Variants in NNMT observed in about 807,000 individuals in gnomAD.
NNMT encodes the protein nicotinamide N-methyltransferase.
Under a neutral mutation model 11.7 loss-of-function variants are expected in NNMT, and 10 were observed. That is an observed-to-expected ratio of 0.85 (90% CI 0.53 to 1.45). NNMT has a LOEUF of 1.45. Among genes scored for constraint, NNMT ranks in the 40% most tolerant of loss-of-function variants. The pLI, the probability that NNMT is intolerant of heterozygous loss-of-function variation, is 0.00. For synonymous variants in NNMT, 143 were observed against 133.8 expected, an observed-to-expected ratio of 1.07 and a Z score of -0.48; for missense variants, 381 against 319.4, an observed-to-expected ratio of 1.19 and a Z score of -1.47.
chr11:114,308,329 G>C (rs189790739), intron 2 of NNMT, among the ~76,000 whole-genome samples: 2 of 152,238 alleles, frequency 1.3e-5, no homozygotes, highest in Admixed American at 1.3e-4. Context: ...AACTTCTGAG[G>C]ATGGGGCTTT....
chr11:114,274,588 T>C (rs1219096601), intron 2 of NNMT, among the ~76,000 whole-genome samples: 1 of 152,088 alleles, frequency 6.6e-6, no homozygotes, highest in African/African-American at 2.4e-5. Context: ...CATGTAGAAA[T>C]GGCAAGAAAG....
At chr11:114,307,079 C>T (rs892952560) in intron 2 of NNMT, among the ~76,000 whole-genome samples, 18 of 152,254 alleles carry the variant, frequency 1.2e-4, no homozygotes, top group South Asian at 4.1e-4. Flanking sequence ...GAAACATTCC[C>T]GCCTTTTACA....
chr11:114,305,877 C>G (rs1945487443), intron 2 of NNMT, among the ~76,000 whole-genome samples: 1 of 152,118 alleles, frequency 6.6e-6, no homozygotes, highest in South Asian at 2.1e-4. Context: ...AATGGGATGG[C>G]TGGGTCAAAT....
chr11:114,310,821 C>CT (rs1312808309), intron 2 of NNMT, among the ~76,000 whole-genome samples: 1 of 152,246 alleles, frequency 6.6e-6, no homozygotes, highest in Non-Finnish European at 1.5e-5. Flanking sequence ...CCTTTTCTCA[C>CT]TTATCTGATC....
At position 114,312,398 on chromosome 11, in the gene NNMT, C is replaced by T. The variant is rs141240468; in HGVS notation, c.716C>T (p.Ser239Leu). The change falls in exon 3 of 3, where the codon TCG becomes TTG. Residue 239 changes from serine (S) to leucine (L), a missense_variant. Coordinates refer to ENST00000299964, the MANE Select transcript of NNMT (RefSeq NM_006169.3). The stretch of plus-strand genomic sequence containing the variant: ...ACAATCGAATGGTTTGAGGTGATCT[C>T]GCAAAGTTATTCTTCCACCATGGCC... ...GYTIEWFEVI[S>L]QSYSSTMANN... The T allele has an allele frequency of 1.1e-4, 172 of 1,614,062 alleles. 1 individual carries two copies. The Admixed American group carries it at 2.7e-3, about 25-fold the overall frequency.
chr11:114,285,049 T>C (rs1945288344), intron 2 of NNMT, among the ~76,000 whole-genome samples: 1 of 152,078 alleles, frequency 6.6e-6, no homozygotes, highest in Non-Finnish European at 1.5e-5. Context: ...TGAGCGACTG[T>C]GCCTGGCCCC....
intron 2 of NNMT, among the ~76,000 whole-genome samples, chr11:114,285,455 G>T (rs931860263): frequency 2.0e-5 from 3 of 152,070 alleles, no homozygotes; most frequent in African/African-American, 7.2e-5. Flanking sequence ...TCCAAGAAAG[G>T]GTTCTCTACC....
upstream of NNMT, chr11:114,296,154 T>C (rs1945374600): frequency 6.3e-6 from 1 of 159,270 alleles, no homozygotes; most frequent in African/African-American, 2.4e-5. Flanking sequence ...ATGGTGCTTG[T>C]TAGGGGATGT....
intron 2 of NNMT, among the ~76,000 whole-genome samples, chr11:114,270,023 CA>C (rs1353880614): frequency 2.0e-5 from 3 of 151,626 alleles, no homozygotes; most frequent in African/African-American, 7.3e-5. Flanking sequence ...TTCTTTGGTC[CA>C]AAAATGTTTA....
intron 2 of NNMT, among the ~76,000 whole-genome samples, chr11:114,288,261 T>A (rs1945312361): frequency 6.6e-6 from 1 of 152,176 alleles, no homozygotes; most frequent in South Asian, 2.1e-4. Flanking sequence ...GAAATTGGTA[T>A]TTGTTAACAT....
At position 114,268,851 on chromosome 11, in the gene NNMT, T is replaced by C. The variant is rs73564891; in HGVS notation, c.-130+5917T>C. ...AATCAGAATTTGTGGGCATGCTACC[T>C]GGGAATCTGAAAGCAGCTGTGTCAT... On this transcript the variant is annotated intron_variant, in intron 2 of 4. Coordinates refer to the NNMT transcript ENST00000535401. Among the ~76,000 whole-genome samples the C allele has an allele frequency of 3.5e-3, 535 of 151,760 alleles. 4 individuals carry two copies. The highest frequency in any genetic ancestry group is 0.012 in the African/African-American group (506 of 41,366).
At chr11:114,289,931 G>A (rs1231370233) in intron 2 of NNMT, among the ~76,000 whole-genome samples, 2 of 152,172 alleles carry the variant, frequency 1.3e-5, no homozygotes, top group African/African-American at 2.4e-5. Flanking sequence ...AGCAGATTCA[G>A]TGTCTGGTGA....
chr11:114,268,448 A>AT (rs1257357666), intron 2 of NNMT, among the ~76,000 whole-genome samples: 6 of 152,230 alleles, frequency 3.9e-5, no homozygotes, highest in South Asian at 2.1e-4. Flanking sequence ...CAAACCAGCC[A>AT]TGCAACCAAG....
chr11:114,305,909 C>T (rs1426487647), intron 2 of NNMT, among the ~76,000 whole-genome samples: 1 of 152,090 alleles, frequency 6.6e-6, no homozygotes, highest in East Asian at 1.9e-4. Flanking sequence ...TTCTAGATCC[C>T]TGAGGAATCA....
chr11:114,305,715 A>C (rs1277260326), intron 2 of NNMT, among the ~76,000 whole-genome samples: 1 of 151,958 alleles, frequency 6.6e-6, no homozygotes, highest in Non-Finnish European at 1.5e-5. Flanking sequence ...TCCATGGTGT[A>C]TATGTGCCAC....
chr11:114,291,174 G>T (rs1945331593), intron 2 of NNMT, among the ~76,000 whole-genome samples: 1 of 152,120 alleles, frequency 6.6e-6, no homozygotes, highest in African/African-American at 2.4e-5. Flanking sequence ...TACCTATTTT[G>T]GATTCTGTGT....
At chr11:114,264,049 C>G (rs1329788264) in intron 2 of NNMT, among the ~76,000 whole-genome samples, 1 of 152,122 alleles carries the variant, frequency 6.6e-6, no homozygotes, top group Non-Finnish European at 1.5e-5. Flanking sequence ...TGTCCATCCT[C>G]TTATTAAAAG....
At chr11:114,299,074 A>T (rs1945412740) in intron 2 of NNMT, among the ~76,000 whole-genome samples, 1 of 152,234 alleles carries the variant, frequency 6.6e-6, no homozygotes, top group Non-Finnish European at 1.5e-5. Flanking sequence ...ATCTGCAAAT[A>T]AAAATAGGTT....
chr11:114,303,262 C>T lies in NNMT; in HGVS notation c.362+5104C>T, dbSNP rs527680326. ...GACAAATTCTCTTAACTTATCAAGTCGGGTAAAAAGTTAGTAATTGTTTTC... is the reference window on the plus strand; with the variant it reads ...GACAAATTCTCTTAACTTATCAAGTTGGGTAAAAAGTTAGTAATTGTTTTC... On this transcript the variant is annotated intron_variant, in intron 2 of 2. Transcript: ENST00000299964. 1.2e-3 allele frequency among the ~76,000 whole-genome samples: 177 copies of T among 152,088 alleles called. 1 individual carries two copies. Among genetic ancestry groups the T allele is most frequent in the African/African-American group, 3.9e-3 (163 of 41,508 alleles).
Sources: allele counts gnomAD v4.1 joint callset (sites outside exome capture counted in the v4.1 genomes callset), GRCh38; gene constraint gnomAD v4.1.1; transcripts MANE v1.5; gene names NCBI Gene and HGNC (gene_info 2026-07-23, HGNC 2026-07-21).